The following GPT2 variants were observed in gnomAD, a reference collection of about 807,000 sequenced individuals.
GPT2 encodes alanine aminotransferase 2.
GPT2 carries 30 observed loss-of-function variants against 56.9 expected under a neutral mutation model. The ratio of observed to expected loss-of-function variants is 0.53; its 90% CI spans 0.39 to 0.72. GPT2 has a LOEUF of 0.72. Ranked by LOEUF, GPT2 falls within the 30% of genes least tolerant of loss-of-function variation. The pLI, the probability that GPT2 is intolerant of heterozygous loss-of-function variation, is 0.00. For synonymous variants in GPT2, 271 were observed against 283.1 expected (o/e 0.96, Z 0.43); for missense variants, 542 against 703.4 (o/e 0.77, Z 2.60).
At chr16:46,916,369 A>G in intron 6 of GPT2, 1 of 329,384 alleles carries the variant, frequency 3.0e-6, no homozygotes, top group Non-Finnish European at 5.6e-6. Context: ...AAAAAAAAAT[A>G]AGAGAGCCAG....
chr16:46,914,425 A>G (rs1961103256), intron 6 of GPT2, among the ~76,000 whole-genome samples: 1 of 152,360 alleles, frequency 6.6e-6, no homozygotes, highest in East Asian at 1.9e-4. Context: ...AGTTTCAGCT[A>G]TTCGGGAAGG....
At chr16:46,921,451 G>A (rs1961285215) in intron 8 of GPT2, among the ~76,000 whole-genome samples, 1 of 152,068 alleles carries the variant, frequency 6.6e-6, no homozygotes, top group African/African-American at 2.4e-5. Flanking sequence ...GTGATTACAG[G>A]ACTGAGCCAC....
chr16:46,923,184 G>A (rs1284609309), intron 9 of GPT2, among the ~76,000 whole-genome samples: 3 of 152,272 alleles, frequency 2.0e-5, no homozygotes, highest in South Asian at 4.1e-4. Flanking sequence ...CATGTTGGCC[G>A]GGCGTAGCGG....
At chr16:46,914,093 G>C (rs1169947694) in intron 6 of GPT2, among the ~76,000 whole-genome samples, 1 of 152,210 alleles carries the variant, frequency 6.6e-6, no homozygotes, top group Non-Finnish European at 1.5e-5. Flanking sequence ...GAGCACATCA[G>C]ATATTCCCGG....
chr16:46,916,085 A>C (rs1961154099), intron 6 of GPT2: 1 of 153,350 alleles, frequency 6.5e-6, no homozygotes, highest in Non-Finnish European at 1.5e-5. Flanking sequence ...GGTGGCTCAC[A>C]CCTGTAATTC....
chr16:46,907,046 C>T (rs913786844), intron 5 of GPT2, 71 bp downstream of exon 5: 1 of 1,598,172 alleles, frequency 6.3e-7, no homozygotes, highest in African/African-American at 1.3e-5. Context: ...TGTTAGGGCC[C>T]AGCATTGGAA....
In GPT2 at chr16:46,910,006, A is replaced by C. The variant is rs559894221; in HGVS notation, c.820+79A>C. ...CTGGCTGTCTAGAAACCAGAGTTAA[A>C]TAATTGGAGGGTCTCTCTGCCCCTA... On this transcript the variant is annotated intron_variant, in intron 6 of 11. Coordinates refer to ENST00000340124, the MANE Select transcript of GPT2 (RefSeq NM_133443.4). 2.0e-6 allele frequency: 3 copies of C among 1,482,850 alleles called. No homozygotes were observed. The African/African-American group carries it at 4.2e-5, about 21-fold the overall frequency. 91.9% of individuals were successfully genotyped at this position (1,482,850 alleles called of 1,614,324 possible). A position where few individuals can be genotyped will look rare whatever the true frequency, so the allele number is the denominator to read the frequency against.
chr16:46,915,995 C>T (rs1961151052), intron 6 of GPT2: 1 of 152,732 alleles, frequency 6.5e-6, no homozygotes, highest in Admixed American at 6.5e-5. Flanking sequence ...TGTATGCGTG[C>T]ACACACCCCA....
At chr16:46,903,595 C>A (rs1465602307) in intron 4 of GPT2, among the ~76,000 whole-genome samples, 1 of 152,192 alleles carries the variant, frequency 6.6e-6, no homozygotes, top group East Asian at 1.9e-4. Flanking sequence ...GCATAAGCCA[C>A]CACACCCAGC....
chr16:46,884,661 G>A, intron 1 of GPT2, 33 bp from the exon 2 acceptor site: 8 of 1,357,314 alleles, frequency 5.9e-6, no homozygotes, highest in Non-Finnish European at 5.7e-6. Flanking sequence ...GGCAGTGCGC[G>A]ACGTGTTTGT....
At chr16:46,910,398 A>AAAC (rs2143478921) in intron 6 of GPT2, among the ~76,000 whole-genome samples, 1 of 149,630 alleles carries the variant, frequency 6.7e-6, no homozygotes, top group East Asian at 2.0e-4. Context: ...AAAAAAAAAA[A>AAAC]AAAAAAAAAA....
At chr16:46,916,456 G>A (rs1961165495) in intron 6 of GPT2, 172 bp from the exon 7 acceptor site, 3 of 631,822 alleles carry the variant, frequency 4.7e-6, no homozygotes, top group Admixed American at 2.2e-5. Context: ...CGTCCCTGGA[G>A]GCCGACTACA....
chr16:46,892,610 A>G (rs1399653130), intron 2 of GPT2, among the ~76,000 whole-genome samples: 1 of 152,180 alleles, frequency 6.6e-6, no homozygotes, highest in African/African-American at 2.4e-5. Context: ...AACTTTTTAT[A>G]ATAACCATGC....
At chr16:46,891,000 C>A (rs9930036) in intron 2 of GPT2, among the ~76,000 whole-genome samples, 150,679 of 152,018 alleles carry the variant, frequency 0.99, 74,683 homozygotes, top group Middle Eastern at 1. Flanking sequence ...CAGCCTCCCG[C>A]GTAGCTGGGA....
chr16:46,891,926 T>C (rs1960594228), intron 2 of GPT2, among the ~76,000 whole-genome samples: 1 of 150,362 alleles, frequency 6.7e-6, no homozygotes, highest in African/African-American at 2.4e-5. Context: ...CTACTGCCCT[T>C]CCCAGACTCT....
In GPT2 at chr16:46,911,209, TA is replaced by T. The variant is rs1285771326; in HGVS notation, c.820+1290del. On this transcript the variant is annotated intron_variant, in intron 6 of 11. Coordinates refer to ENST00000340124, the MANE Select transcript of GPT2 (RefSeq NM_133443.4). Reference sequence around the variant, plus strand: ...ACCCCCAATTTTGCATATTTTTCTTTAAAAAAAAGTCTGCAGTCCTGCCTGT... The same window carrying T: ...ACCCCCAATTTTGCATATTTTTCTTTAAAAAAAGTCTGCAGTCCTGCCTGT... 2.0e-5 allele frequency among the ~76,000 whole-genome samples: 3 copies of T among 152,038 alleles called. No individual in the cohort carries two copies. The South Asian group carries it at 6.2e-4, about 32-fold the overall frequency.
Position 46,906,890 on chromosome 16 carries a change from C to T in GPT2, c.491C>T (p.Ala164Val). ...QGVNCIREDV[A>V]AYITRRDGGV... is the part of the protein sequence containing the mutation. ...GTCAACTGCATCCGTGAAGATGTGGCTGCCTACATCACCAGGAGGGATGGC... is the reference window on the plus strand; with the variant it reads ...GTCAACTGCATCCGTGAAGATGTGGTTGCCTACATCACCAGGAGGGATGGC... Residue 164 changes from alanine to valine, a missense_variant, in exon 5 of 12, where the codon GCT becomes GTT. Physicochemically the swap from Ala to Val is moderately conservative, Grantham distance 64. Coordinates refer to ENST00000340124, the MANE Select transcript of GPT2 (RefSeq NM_133443.4). 6.2e-7 allele frequency: 1 copy of T among 1,614,212 alleles called. No homozygotes were observed. Among genetic ancestry groups the T allele is most frequent in the Non-Finnish European group, 8.5e-7 (1 of 1,180,040 alleles).
chr16:46,924,248 A>T (rs539345983), intron 9 of GPT2, 141 bp from the exon 10 acceptor site: 2 of 889,254 alleles, frequency 2.2e-6, no homozygotes, highest in South Asian at 2.8e-5. Flanking sequence ...GAGTCAACGC[A>T]TGGGTCAGAG....
chr16:46,889,087 C>T (rs1484575232), intron 2 of GPT2, among the ~76,000 whole-genome samples: 2 of 151,906 alleles, frequency 1.3e-5, no homozygotes, highest in African/African-American at 4.8e-5. Flanking sequence ...AGTGCAGTGG[C>T]GCAATCTCAG....
Sources: allele counts gnomAD v4.1 joint callset (sites outside exome capture counted in the v4.1 genomes callset), GRCh38; gene constraint gnomAD v4.1.1; transcripts MANE v1.5; gene names NCBI Gene and HGNC (gene_info 2026-07-23, HGNC 2026-07-21).